The following DSG3 variants were observed in gnomAD, a reference collection of about 807,000 sequenced individuals.
DSG3 encodes the protein desmoglein-3.
Under a neutral mutation model 85.9 loss-of-function variants are expected in DSG3, and 63 were observed. The ratio of observed to expected loss-of-function variants is 0.73; its 90% CI spans 0.60 to 0.90. The LOEUF is 0.90. Among genes scored for constraint, DSG3 ranks in the 40% least tolerant of loss-of-function variants. The probability of loss-of-function intolerance (pLI) is 0.00; values close to 1 mark genes in which losing one functional copy is unlikely to be tolerated. For synonymous variants in DSG3, 447 were observed against 441.9 expected, an observed-to-expected ratio of 1.01 and a Z score of -0.14; for missense variants, 1,220 against 1,219.9, an observed-to-expected ratio of 1.00 and a Z score of 0.00.
At chr18:31,452,632 G>T (rs2072718767) in intron 1 of DSG3, among the ~76,000 whole-genome samples, 1 of 151,678 alleles carries the variant, frequency 6.6e-6, no homozygotes, top group Non-Finnish European at 1.5e-5. Flanking sequence ...CTTACTTTGG[G>T]CTGGGCTCAC....
rs1460595 is a variant in DSG3 at position 31,465,294 on chromosome 18, G to A, written c.1272-24G>A. 54,234 of 1,364,606 alleles carry A rather than the reference G, an allele frequency of 0.04. 1,964 individuals are homozygous for A. The highest frequency in any genetic ancestry group is 0.17 in the African/African-American group (11,550 of 67,210). 84.5% of individuals were successfully genotyped at this position (1,364,606 alleles called of 1,614,324 possible). Reference sequence around the variant, plus strand: ...AACATTCCACATTTGAAAGAAAACTGATTTTTTTAATATTATGAAACAGAT... The same window carrying A: ...AACATTCCACATTTGAAAGAAAACTAATTTTTTTAATATTATGAAACAGAT... On this transcript the variant is annotated intron_variant, in intron 9 of 15. Coordinates refer to ENST00000257189, the MANE Select transcript of DSG3 (RefSeq NM_001944.3).
chr18:31,466,634 T>C lies in DSG3; in HGVS notation c.1516T>C (p.Ser506Pro). The change falls in exon 11 of 16, where the codon TCA (serine) becomes CCA (proline). Residue 506 changes from serine to proline, a missense_variant. Coordinates refer to ENST00000257189, the MANE Select transcript of DSG3 (RefSeq NM_001944.3). ...CGAAAAAGATGCAGTTTGCAGTTCT[T>C]CACCTTCCGTGGTTGTCTCCGCTAG... Reference protein sequence around the residue: ...VLEKDAVCSSSPSVVVSARTL... With the variant: ...VLEKDAVCSSPPSVVVSARTL... 6.2e-7 allele frequency: 1 copy of C among 1,614,222 alleles called. No homozygotes were observed. Among genetic ancestry groups the C allele is most frequent in the Non-Finnish European group, 8.5e-7 (1 of 1,180,030 alleles).
In DSG3 at chr18:31,447,848, T is replaced by C. The variant is rs372228912; in HGVS notation, c.-30T>C. ...GGCAGGATAGAAGCAGCGGCTCACT[T>C]GGACTTTTTCACCAGGGAAATCAGA... On this transcript the variant is annotated 5_prime_UTR_variant, in exon 1 of 16. Transcript: ENST00000257189. 9.5e-6 allele frequency: 15 copies of C among 1,579,082 alleles called. No homozygotes were observed. Among genetic ancestry groups the C allele is most frequent in the African/African-American group, 1.4e-5 (1 of 72,322 alleles).
At chr18:31,468,302 T>G (rs1418659611) in intron 11 of DSG3, among the ~76,000 whole-genome samples, 4 of 152,138 alleles carry the variant, frequency 2.6e-5, no homozygotes, top group Non-Finnish European at 5.9e-5. Context: ...AAGTTGAAAG[T>G]CTTGATAAGT....
At position 31,472,343 on chromosome 18, in the gene DSG3, G is replaced by A. The variant is rs2072860701; in HGVS notation, c.1957G>A (p.Gly653Ser). The A allele has an allele frequency of 6.2e-7, 1 of 1,614,062 alleles. No homozygotes were observed. The highest frequency in any genetic ancestry group is 8.5e-7 in the Non-Finnish European group (1 of 1,180,032). The change falls in exon 13 of 16, where the codon GGT becomes AGT. Residue 653 changes from glycine to serine, a missense_variant. Transcript: ENST00000257189. Reference protein sequence around the residue: ...CGAGSTGGVTGGFIPVPDGSE... With the variant: ...CGAGSTGGVTSGFIPVPDGSE... The stretch of plus-strand genomic sequence containing the variant: ...GGCAGGTTCTACTGGGGGAGTGACA[G>A]GTGGTTTTATCCCAGTTCCTGATGG...
intron 12 of DSG3, among the ~76,000 whole-genome samples, chr18:31,470,863 C>T (rs1472511945): frequency 6.6e-6 from 1 of 152,102 alleles, no homozygotes; most frequent in Non-Finnish European, 1.5e-5. Context: ...AAGGCTAAAG[C>T]GCGGGGAAAT....
In DSG3 at chr18:31,466,744, A is replaced by T. The variant is rs61730310; in HGVS notation, c.1626A>T (p.Thr542=). 1.7e-4 allele frequency: 268 copies of T among 1,613,962 alleles called. No individual in the cohort carries two copies. The African/African-American group carries it at 3.1e-3, about 19-fold the overall frequency. The change falls in exon 11 of 16, where the codon ACA becomes ACT. Residue 542 remains threonine (T), a synonymous_variant. Transcript: ENST00000257189. The part of the protein sequence containing the change: ...PVKLPAVWSI[T]TLNATSALLR... The stretch of plus-strand genomic sequence containing the variant: ...AGTTGCCTGCCGTATGGAGTATCAC[A>T]ACCCTCAATGGTGAGTAACAGTAAA...
rs1870642 is a variant in DSG3, at chr18:31,460,006, C to A, written c.679C>A (p.Arg227=). ...EVRTLTNSLD[R]EQASSYRLVV... is the part of the protein sequence containing the mutation. The stretch of plus-strand genomic sequence containing the variant: ...CCGTACTTTGACCAATTCTCTTGAC[C>A]GAGAGGTACAGCAAAGCACTTGGGG... The change falls in exon 6 of 16, where the codon CGA becomes AGA. Residue 227 remains arginine (R), a synonymous_variant. Coordinates refer to ENST00000257189, the MANE Select transcript of DSG3 (RefSeq NM_001944.3). 1,682 of 1,612,474 alleles carry A rather than the reference C, an allele frequency of 1.0e-3. 17 individuals carry two copies. The African/African-American group carries it at 0.02, about 19-fold the overall frequency.
In DSG3 at chr18:31,458,500, G is replaced by C. The variant is rs762400070; in HGVS notation, c.272G>C (p.Gly91Ala). 1 of 1,613,974 alleles carries C rather than the reference G, an allele frequency of 6.2e-7. No homozygotes were observed. The highest frequency in any genetic ancestry group is 8.5e-7 in the Non-Finnish European group (1 of 1,179,984). The part of the protein sequence containing the change: ...QKITYRISGV[G>A]IDQPPFGIFV... ...ATCACCTACCGAATCTCTGGAGTGG[G>C]AATCGATCAGCCGCCTTTTGGAATC... Residue 91 changes from glycine to alanine, a missense_variant, in exon 4 of 16, where the codon GGA becomes GCA. Gly to Ala is a moderately conservative substitution (Grantham distance 60, BLOSUM62 0). Transcript: ENST00000257189.
rs747197489 is a variant in DSG3 at position 31,472,800 on chromosome 18, TA to T, written c.2101+16del. Reference sequence around the variant, plus strand: ...CATGGAAAGTTCTGGTAAGTGGACATAAAATGTTTGAAAGCAATGGTGAGTT... The same window carrying T: ...CATGGAAAGTTCTGGTAAGTGGACATAAATGTTTGAAAGCAATGGTGAGTT... On this transcript the variant is annotated intron_variant, in intron 14 of 15. Coordinates refer to ENST00000257189, the MANE Select transcript of DSG3 (RefSeq NM_001944.3). 5.6e-6 allele frequency: 9 copies of T among 1,613,054 alleles called. No individual in the cohort carries two copies. The highest frequency in any genetic ancestry group is 6.8e-6 in the Non-Finnish European group (8 of 1,179,066).
At chr18:31,461,634 CA>C (rs1016386755) in intron 8 of DSG3, among the ~76,000 whole-genome samples, 1 of 152,190 alleles carries the variant, frequency 6.6e-6, no homozygotes, top group Middle Eastern at 3.2e-3. Flanking sequence ...ATAGTAAACA[CA>C]AACACACTAA....
rs897022866 is a variant in DSG3 at position 31,476,194 on chromosome 18, C to T, written c.2934C>T (p.Gly978=). ...PISSVPGNLA[G]PTQLRGSHTM... is the part of the protein sequence containing the mutation. ...CCAGTGTTCCTGGCAACCTAGCTGG[C>T]CCAACGCAGCTACGAGGGTCACATA... The change falls in exon 16 of 16, where the codon GGC becomes GGT. Residue 978 remains glycine (G), a synonymous_variant. Coordinates refer to ENST00000257189, the MANE Select transcript of DSG3 (RefSeq NM_001944.3). 6.2e-7 allele frequency: 1 copy of T among 1,614,122 alleles called. No individual in the cohort carries two copies. The highest frequency in any genetic ancestry group is 1.7e-4 in the Middle Eastern group (1 of 6,060).
At position 31,457,478 on chromosome 18, in the gene DSG3, G is replaced by C. The variant is rs535367486; in HGVS notation, c.216+354G>C. ...ATGGATTGGTCATGTATTGATAACT[G>C]TTGAAGCTCAGTGATAGGATGTATC... On this transcript the variant is annotated intron_variant, in intron 3 of 15. Coordinates refer to ENST00000257189, the MANE Select transcript of DSG3 (RefSeq NM_001944.3). 2.0e-5 allele frequency among the ~76,000 whole-genome samples: 3 copies of C among 152,208 alleles called. No homozygotes were observed. The South Asian group carries it at 6.2e-4, about 32-fold the overall frequency.
chr18:31,474,164 C>A lies in DSG3; in HGVS notation c.2145C>A (p.Gly715=). The change falls in exon 15 of 16, where the codon GGC becomes GGA. Residue 715 remains glycine, a synonymous_variant. Transcript: ENST00000257189. ...NTYARGTAVE[G]TSGMEMTTKL... The stretch of plus-strand genomic sequence containing the variant: ...ATGCCAGAGGCACAGCGGTGGAAGG[C>A]ACTTCAGGAATGGAAATGACCACTA... 1 of 1,614,124 alleles carries A rather than the reference C, an allele frequency of 6.2e-7. No homozygotes were observed. Among genetic ancestry groups the A allele is most frequent in the Non-Finnish European group, 8.5e-7 (1 of 1,179,970 alleles).
intron 7 of DSG3, 75 bp downstream of exon 7, chr18:31,461,036 G>C: frequency 7.0e-7 from 1 of 1,426,134 alleles, no homozygotes; most frequent in Non-Finnish European, 9.3e-7. Flanking sequence ...GGACTTGCCT[G>C]TTTGTTGGCT....
At chr18:31,449,141 G>A (rs186267862) in intron 1 of DSG3, among the ~76,000 whole-genome samples, 12 of 152,180 alleles carry the variant, frequency 7.9e-5, no homozygotes, top group East Asian at 3.9e-4. Flanking sequence ...CAATGGATCC[G>A]TCCACCTCGG....
rs2072821862 is a variant in DSG3 at position 31,466,690 on chromosome 18, T to C, written c.1572T>C (p.Tyr524=). 1.9e-6 allele frequency: 3 copies of C among 1,614,206 alleles called. No homozygotes were observed. Among genetic ancestry groups the C allele is most frequent in the Non-Finnish European group, 2.5e-6 (3 of 1,180,040 alleles). ...RTLNNRYTGP[Y]TFALEDQPVK... ...TGAATAATAGATACACTGGCCCCTA[T>C]ACATTTGCACTGGAAGATCAACCTG... Residue 524 remains tyrosine, a synonymous_variant, in exon 11 of 16, where the codon TAT becomes TAC. Transcript: ENST00000257189.
At chr18:31,459,621 T>G (rs183853649) in intron 5 of DSG3, among the ~76,000 whole-genome samples, 12 of 152,250 alleles carry the variant, frequency 7.9e-5, no homozygotes, top group Middle Eastern at 6.8e-3. Flanking sequence ...TCAGCAAACG[T>G]AAGGCTTAGA....
chr18:31,456,471 T>C lies in DSG3; in HGVS notation c.80T>C (p.Ile27Thr). Reference protein sequence around the residue: ...VVILVHGELRIETKGQYDEEE... With the variant: ...VVILVHGELRTETKGQYDEEE... ...ATATTGGTTCATGGAGAATTGCGAA[T>C]AGAGGTAAAGTATGAAAAAGGTTTT... is the stretch of plus-strand genomic sequence containing the variant. Residue 27 changes from isoleucine (I) to threonine (T), a missense_variant, in exon 2 of 16, where the codon ATA becomes ACA. Coordinates refer to ENST00000257189, the MANE Select transcript of DSG3 (RefSeq NM_001944.3). The C allele has an allele frequency of 1.5e-6, 2 of 1,339,384 alleles. No individual in the cohort carries two copies. Among genetic ancestry groups the C allele is most frequent in the Non-Finnish European group, 1.9e-6 (2 of 1,036,622 alleles). The allele number at this position is 1,339,384 out of a possible 1,614,324, so 83.0% of individuals were successfully genotyped here.
Sources: gnomAD v4.1 joint callset for allele counts (sites outside exome capture counted in the v4.1 genomes callset) on GRCh38, gnomAD v4.1.1 for gene constraint, MANE v1.5 for transcripts, NCBI Gene and HGNC (gene_info 2026-07-23, HGNC 2026-07-21) for gene names.